FRMPD2: variants seen among roughly 807,000 people sequenced by gnomAD.
FRMPD2 encodes the protein FERM and PDZ domain-containing protein 2.
A neutral mutation model predicts 140.1 loss-of-function variants in FRMPD2; 96 were observed. The observed-to-expected ratio is 0.69, with a 90% CI of 0.58 to 0.81. FRMPD2 has a LOEUF of 0.81. Among genes scored for constraint, FRMPD2 ranks in the 40% least tolerant of loss-of-function variants. The pLI, the probability that FRMPD2 is intolerant of heterozygous loss-of-function variation, is 0.00. For missense variants in FRMPD2, 1,240 were observed against 1,447.4 expected (o/e 0.86, Z 2.32); for synonymous variants, 449 against 547.6 (o/e 0.82, Z 2.52).
chr10:48,204,632 T>C (rs753997685), intron 14 of FRMPD2, among the ~76,000 whole-genome samples: 2 of 152,264 alleles, frequency 1.3e-5, no homozygotes, highest in Admixed American at 1.3e-4. Context: ...CTGGCTTTTT[T>C]GATATCTGCA....
At chr10:48,255,899 G>T (rs1020766598) in intron 1 of FRMPD2, among the ~76,000 whole-genome samples, 1 of 152,238 alleles carries the variant, frequency 6.6e-6, no homozygotes, top group Non-Finnish European at 1.5e-5. Context: ...TAAGCCAGGG[G>T]TAGGCAGGTG....
At position 48,251,588 on chromosome 10, in the gene FRMPD2, CT is replaced by C; in HGVS notation, c.128del (p.Gln43ArgfsTer37). 6.2e-7 allele frequency: 1 copy of C among 1,614,236 alleles called. No individual in the cohort carries two copies. The highest frequency in any genetic ancestry group is 8.5e-7 in the Non-Finnish European group (1 of 1,180,034). On this transcript the variant is annotated frameshift_variant, in exon 2 of 29. Transcript: ENST00000374201. LOFTEE classifies it high-confidence loss of function. The part of the protein sequence containing the change: ...IWSLLFLAAE[Q>X]LLEDLRNDSS... ...TACCGTTGCGGAGGTCTTCCAGGAG[CT>C]GCTCAGCGGCCAGGAACAGGAGGGA...
intron 10 of FRMPD2, among the ~76,000 whole-genome samples, chr10:48,225,777 T>C (rs918020638): frequency 1.3e-5 from 2 of 152,236 alleles, no homozygotes; most frequent in Non-Finnish European, 2.9e-5. Context: ...ACACGTGCAG[T>C]GCCCACTGGA....
chr10:48,207,640 G>T (rs1839230838), intron 13 of FRMPD2, among the ~76,000 whole-genome samples: 1 of 152,124 alleles, frequency 6.6e-6, no homozygotes, highest in African/African-American at 2.4e-5. Flanking sequence ...TTCTACATCT[G>T]AATGGCAGTA....
At chr10:48,204,085 AG>A (rs200960567) in intron 14 of FRMPD2, among the ~76,000 whole-genome samples, 1 of 152,216 alleles carries the variant, frequency 6.6e-6, no homozygotes, top group East Asian at 1.9e-4. Context: ...CAGGGCCAGC[AG>A]CCAGATGAAA....
At chr10:48,237,167 T>C (rs909132510) in intron 8 of FRMPD2, among the ~76,000 whole-genome samples, 32 of 151,288 alleles carry the variant, frequency 2.1e-4, no homozygotes, top group South Asian at 2.1e-4. Flanking sequence ...CTGAGTCATA[T>C]AACCAGCAAG....
At chr10:48,179,784 G>A (rs1204782110) in intron 21 of FRMPD2, among the ~76,000 whole-genome samples, 1 of 152,166 alleles carries the variant, frequency 6.6e-6, no homozygotes, top group Non-Finnish European at 1.5e-5. Context: ...GAGAAACGAG[G>A]TTGAAAGAGG....
chr10:48,159,652 T>A (rs1488882009), intron 28 of FRMPD2, among the ~76,000 whole-genome samples: 2 of 151,822 alleles, frequency 1.3e-5, no homozygotes, highest in African/African-American at 2.4e-5. Context: ...AACTTTAGGT[T>A]CATTTCCAGG....
intron 7 of FRMPD2, among the ~76,000 whole-genome samples, chr10:48,238,980 C>G (rs1036481359): frequency 2.0e-5 from 3 of 152,170 alleles, no homozygotes; most frequent in African/African-American, 7.2e-5. Context: ...CGTCCTCTCT[C>G]CTCTCTCTCC....
At chr10:48,266,685 A>G (rs1294104691) in intron 1 of FRMPD2, among the ~76,000 whole-genome samples, 1 of 152,266 alleles carries the variant, frequency 6.6e-6, no homozygotes, top group African/African-American at 2.4e-5. Context: ...TCTTCCACAC[A>G]GTCAGTTCAG....
At chr10:48,236,391 T>A in intron 9 of FRMPD2, 91 bp downstream of exon 9, 1 of 1,046,142 alleles carries the variant, frequency 9.6e-7, no homozygotes, top group Non-Finnish European at 1.5e-6. Flanking sequence ...GGTGTTCCCA[T>A]GTGAGACCCC....
intron 20 of FRMPD2, among the ~76,000 whole-genome samples, chr10:48,182,943 A>G (rs1838587081): frequency 6.6e-6 from 1 of 152,208 alleles, no homozygotes; most frequent in African/African-American, 2.4e-5. Context: ...GGGAAATCCA[A>G]CAGACAGCAA....
At chr10:48,201,927 T>C (rs903075282) in intron 14 of FRMPD2, among the ~76,000 whole-genome samples, 1 of 144,034 alleles carries the variant, frequency 6.9e-6, no homozygotes, top group Admixed American at 6.8e-5. Context: ...ATTTTTATTC[T>C]ACAGATAAAA....
chr10:48,167,671 G>A (rs1838132215), intron 27 of FRMPD2, among the ~76,000 whole-genome samples: 1 of 147,866 alleles, frequency 6.8e-6, no homozygotes, highest in African/African-American at 2.5e-5. Context: ...CCCCACAGAA[G>A]GCATGGCAAT....
intron 1 of FRMPD2, among the ~76,000 whole-genome samples, chr10:48,273,188 C>A (rs1047840370): frequency 2.6e-5 from 4 of 152,182 alleles, no homozygotes; most frequent in Admixed American, 1.3e-4. Flanking sequence ...CTCTACATTC[C>A]ACTGTTGTTT....
chr10:48,184,105 A>T (rs543929163), intron 20 of FRMPD2, among the ~76,000 whole-genome samples: 1 of 152,182 alleles, frequency 6.6e-6, no homozygotes, highest in South Asian at 2.1e-4. Flanking sequence ...ATGTAGCCCT[A>T]AACCCAAAAC....
chr10:48,209,373 G>C (rs1839268949), intron 13 of FRMPD2, among the ~76,000 whole-genome samples: 1 of 152,198 alleles, frequency 6.6e-6, no homozygotes, highest in Non-Finnish European at 1.5e-5. Context: ...AGCTAATATA[G>C]TTGTGAATCT....
At chr10:48,185,077 T>G (rs1029682383) in intron 18 of FRMPD2, among the ~76,000 whole-genome samples, 196 bp from the exon 19 acceptor site, 6 of 152,316 alleles carry the variant, frequency 3.9e-5, no homozygotes, top group Non-Finnish European at 8.8e-5. Context: ...TTGTTCCCCA[T>G]TAGTAAGCAC....
intron 6 of FRMPD2, among the ~76,000 whole-genome samples, chr10:48,240,092 T>C (rs1840068229): frequency 6.6e-6 from 1 of 152,232 alleles, no homozygotes; most frequent in Admixed American, 6.5e-5. Context: ...TTTGTTTCAA[T>C]TTGGATTTTC....
Sources: allele counts gnomAD v4.1 joint callset (sites outside exome capture counted in the v4.1 genomes callset), GRCh38; gene constraint gnomAD v4.1.1; transcripts MANE v1.5; gene names NCBI Gene and HGNC (gene_info 2026-07-23, HGNC 2026-07-21).